CDH23: variants seen among roughly 807,000 people sequenced by gnomAD.
The protein encoded by CDH23 is cadherin-23.
Under a neutral mutation model 317.1 loss-of-function variants are expected in CDH23, and 189 were observed. That is an observed-to-expected ratio of 0.60 (90% CI 0.53 to 0.67). The LOEUF is 0.67. Ranked by LOEUF, CDH23 falls within the 30% of genes least tolerant of loss-of-function variation. CDH23 has a pLI of 0.00. For missense variants in CDH23, 4,401 were observed against 4,592.4 expected (o/e 0.96, Z 1.20); for synonymous variants, 1,839 against 1,876.8 (o/e 0.98, Z 0.52).
chr10:71,439,978 G>T lies in CDH23; in HGVS notation c.67+80G>T, dbSNP rs1049553263. 5.8e-5 allele frequency: 64 copies of T among 1,105,162 alleles called. No individual in the cohort carries two copies. In the East Asian group the frequency reaches 1.6e-3, roughly 27 times the overall value. The allele number at this position is 1,105,162 out of a possible 1,614,324, so 68.5% of individuals were successfully genotyped here. A position where few individuals can be genotyped will look rare whatever the true frequency, so the allele number is the denominator to read the frequency against. On this transcript the variant is annotated intron_variant, in intron 2 of 69. Coordinates refer to ENST00000224721, the MANE Select transcript of CDH23 (RefSeq NM_022124.6). ...AGGCTGGAGGGTGTTGGGGCTGGTG[G>T]TTCATCTTTGTGCTCTGGGACTCTG... is the stretch of plus-strand genomic sequence containing the variant.
intron 6 of CDH23, among the ~76,000 whole-genome samples, chr10:71,524,288 C>T (rs557925869): frequency 2.0e-4 from 30 of 152,300 alleles, no homozygotes; most frequent in South Asian, 1.7e-3. Flanking sequence ...TGCAGGATGC[C>T]GTCCCTGCCC....
At chr10:71,806,393 A>C in intron 57 of CDH23, 112 bp downstream of exon 57, 1 of 747,038 alleles carries the variant, frequency 1.3e-6, no homozygotes, top group Non-Finnish European at 2.3e-6. Flanking sequence ...CTAGACACGG[A>C]AACATGTCTG....
intron 1 of CDH23, among the ~76,000 whole-genome samples, chr10:71,420,385 CATG>C (rs527359570): frequency 2.1e-3 from 55 of 25,880 alleles, no homozygotes; most frequent in Middle Eastern, 0.013. Flanking sequence ...TATGCACACA[CATG>C]ATGATGATGG....
intron 1 of CDH23, among the ~76,000 whole-genome samples, chr10:71,414,996 A>C (rs1163538868): frequency 6.6e-6 from 1 of 152,154 alleles, no homozygotes; most frequent in Non-Finnish European, 1.5e-5. Flanking sequence ...GTTATTTGTA[A>C]AATCTCCTTA....
intron 2 of CDH23, among the ~76,000 whole-genome samples, chr10:71,443,951 G>A (rs370555631): frequency 6.6e-6 from 1 of 152,378 alleles, no homozygotes; most frequent in East Asian, 1.9e-4. Flanking sequence ...CCCAGTGACT[G>A]ATTAGTGGCA....
intron 25 of CDH23, among the ~76,000 whole-genome samples, chr10:71,705,454 G>A (rs1458099355): frequency 6.6e-6 from 1 of 152,202 alleles, no homozygotes; most frequent in Non-Finnish European, 1.5e-5. Context: ...GACCCTCAGG[G>A]TCATGAACAG....
intron 14 of CDH23, among the ~76,000 whole-genome samples, chr10:71,674,138 A>T (rs1316583025): frequency 1.3e-5 from 2 of 152,202 alleles, no homozygotes; most frequent in African/African-American, 4.8e-5. Context: ...GATAACTAAG[A>T]TCTTAATCCT....
chr10:71,659,141 A>T (rs545688950), intron 14 of CDH23, among the ~76,000 whole-genome samples: 21 of 152,260 alleles, frequency 1.4e-4, no homozygotes, highest in Admixed American at 3.3e-4. Context: ...TGCTCAGACA[A>T]TCACTCAGAG....
chr10:71,577,754 T>C (rs1261380215), intron 8 of CDH23, among the ~76,000 whole-genome samples, 160 bp from the exon 9 acceptor site: 1 of 152,216 alleles, frequency 6.6e-6, no homozygotes, highest in Non-Finnish European at 1.5e-5. Context: ...CTGCAGTGTG[T>C]GCCCAGGGCA....
chr10:71,745,837 T>G (rs1206533226), intron 38 of CDH23, among the ~76,000 whole-genome samples: 1 of 152,198 alleles, frequency 6.6e-6, no homozygotes, highest in Non-Finnish European at 1.5e-5. Context: ...ATTCCAGGAA[T>G]GGCTGCCACA....
chr10:71,523,505 T>C (rs997949714), intron 6 of CDH23, among the ~76,000 whole-genome samples: 3 of 152,090 alleles, frequency 2.0e-5, no homozygotes, highest in African/African-American at 7.2e-5. Context: ...AAGCTCTAAA[T>C]GGTGTGGAAG....
At chr10:71,660,675 C>T (rs1863610475) in intron 14 of CDH23, among the ~76,000 whole-genome samples, 1 of 151,790 alleles carries the variant, frequency 6.6e-6, no homozygotes, top group South Asian at 2.1e-4. Flanking sequence ...CATTTTTAGC[C>T]AGGTAGCATT....
At chr10:71,792,839 AAAAAAAAAAAAAAATAT>A (rs1841291789) in intron 47 of CDH23, among the ~76,000 whole-genome samples, 1 of 75,376 alleles carries the variant, frequency 1.3e-5, no homozygotes, top group African/African-American at 5.5e-5. Context: ...AAAAAAAAAA[AAAAAAAAAAAAAAATAT>A]ATATATATAT....
intron 55 of CDH23, among the ~76,000 whole-genome samples, chr10:71,805,357 G>A (rs1200988176): frequency 6.6e-6 from 1 of 152,198 alleles, no homozygotes; most frequent in African/African-American, 2.4e-5. Context: ...TACCCCATTG[G>A]ATGGATGGTG....
intron 11 of CDH23, among the ~76,000 whole-genome samples, chr10:71,629,075 T>C (rs1273270052): frequency 6.6e-6 from 1 of 152,218 alleles, no homozygotes; most frequent in Non-Finnish European, 1.5e-5. Flanking sequence ...CTGAGGGATG[T>C]GCACGTTGAG....
At chr10:71,567,003 G>A (rs369199484) in intron 7 of CDH23, 67 bp downstream of exon 7, 1 of 1,459,862 alleles carries the variant, frequency 6.8e-7, no homozygotes, top group Non-Finnish European at 9.4e-7. Context: ...AGAGTGACGG[G>A]GCATTCCAAT....
rs144285502 is a variant in CDH23 at position 71,657,896 on chromosome 10, G to A, written c.1449+11279G>A. ...ATCTGCAGCCTGGGGAGGGGAAGAG[G>A]GAGGCTAAATAGAGAGGGACACATA... On this transcript the variant is annotated intron_variant, in intron 14 of 69. Coordinates refer to ENST00000224721, the MANE Select transcript of CDH23 (RefSeq NM_022124.6). 9.3e-3 allele frequency among the ~76,000 whole-genome samples: 1,410 copies of A among 151,448 alleles called. 6 individuals are homozygous for A. Among genetic ancestry groups the A allele is most frequent in the Non-Finnish European group, 0.014 (948 of 67,834 alleles).
At chr10:71,571,819 G>A (rs1857833386) in intron 8 of CDH23, among the ~76,000 whole-genome samples, 1 of 152,254 alleles carries the variant, frequency 6.6e-6, no homozygotes, top group Non-Finnish European at 1.5e-5. Flanking sequence ...TCAGCTTTGG[G>A]AGCAAAGTGG....
chr10:71,673,327 G>C (rs1864224571), intron 14 of CDH23, among the ~76,000 whole-genome samples: 1 of 152,220 alleles, frequency 6.6e-6, no homozygotes, highest in African/African-American at 2.4e-5. Context: ...CCACACCACA[G>C]TGACCCCTCG....
Sources: gnomAD v4.1 joint callset for allele counts (sites outside exome capture counted in the v4.1 genomes callset) on GRCh38, gnomAD v4.1.1 for gene constraint, MANE v1.5 for transcripts, NCBI Gene and HGNC (gene_info 2026-07-23, HGNC 2026-07-21) for gene names.